The following FRMPD1 variants were observed in gnomAD, a reference collection of about 807,000 sequenced individuals.
The protein encoded by FRMPD1 is FERM and PDZ domain containing 1.
Under a neutral mutation model 117.8 loss-of-function variants are expected in FRMPD1, and 76 were observed. The ratio of observed to expected loss-of-function variants is 0.65; its 90% CI spans 0.54 to 0.78. FRMPD1 has a LOEUF of 0.78. FRMPD1 is among the 30% of genes least tolerant of loss of function. FRMPD1 has a pLI of 0.00. For missense variants in FRMPD1, 1,786 were observed against 1,964.5 expected, an observed-to-expected ratio of 0.91 and a Z score of 1.72; for synonymous variants, 783 against 770.4, an observed-to-expected ratio of 1.02 and a Z score of -0.27.
intron 5 of FRMPD1, among the ~76,000 whole-genome samples, chr9:37,714,503 C>T (rs929089767): frequency 6.6e-6 from 1 of 152,190 alleles, no homozygotes; most frequent in Admixed American, 6.5e-5. Flanking sequence ...CTGTGGCCAC[C>T]AGTGCCTCTG....
At chr9:37,645,019 G>T in the FRMPD1 span, among the ~76,000 whole-genome samples, 1 of 151,598 alleles carries the variant, frequency 6.6e-6, no homozygotes. Flanking sequence ...CAAGACCAGG[G>T]TAGGGCCACA....
Position 37,744,946 on chromosome 9 carries a change from T to A in FRMPD1, c.2914T>A (p.Ser972Thr). 1 of 1,614,192 alleles carries A rather than the reference T, an allele frequency of 6.2e-7. No homozygotes were observed. Among genetic ancestry groups the A allele is most frequent in the Non-Finnish European group, 8.5e-7 (1 of 1,180,018 alleles). Residue 972 changes from serine (S) to threonine (T), a missense_variant, in exon 16 of 16, where the codon TCT becomes ACT. Ser to Thr is a moderately conservative substitution (Grantham distance 58, BLOSUM62 1). Coordinates refer to ENST00000377765, the MANE Select transcript of FRMPD1 (RefSeq NM_014907.3). ...ASSSASTPHCSNPGSSGPDTA... is the reference protein window; with the variant it reads ...ASSSASTPHCTNPGSSGPDTA... ...CTCCTCAGCAAGCACTCCTCACTGT[T>A]CTAACCCAGGTTCATCTGGCCCAGA...
At chr9:37,675,775 T>G (rs897625962) in intron 1 of FRMPD1, among the ~76,000 whole-genome samples, 5 of 152,116 alleles carry the variant, frequency 3.3e-5, no homozygotes, top group African/African-American at 1.2e-4. Context: ...CTTCTAGATC[T>G]AGAGATGGAA....
chr9:37,718,244 C>T (rs1823235895), intron 5 of FRMPD1, among the ~76,000 whole-genome samples: 1 of 152,212 alleles, frequency 6.6e-6, no homozygotes, highest in Non-Finnish European at 1.5e-5. Flanking sequence ...TGTATCTCTT[C>T]TCCCATCTTC....
At chr9:37,639,822 AGCTTGCT>A in the FRMPD1 span, among the ~76,000 whole-genome samples, 2 of 152,144 alleles carry the variant, frequency 1.3e-5, no homozygotes, top group Non-Finnish European at 2.9e-5. Context: ...CACCAGGCCT[AGCTTGCT>A]GTTGTATTTT....
chr9:37,685,630 C>T (rs569779943), intron 1 of FRMPD1, among the ~76,000 whole-genome samples: 6 of 151,722 alleles, frequency 4.0e-5, no homozygotes, highest in South Asian at 2.1e-4. Context: ...ACAGCCTAGG[C>T]GAGAAAGCGA....
chr9:37,725,042 A>G (rs1466702219), intron 7 of FRMPD1, among the ~76,000 whole-genome samples: 1 of 152,210 alleles, frequency 6.6e-6, no homozygotes, highest in African/African-American at 2.4e-5. Context: ...GGTAGGGTAC[A>G]TATCAATCAG....
intron 1 of FRMPD1, among the ~76,000 whole-genome samples, chr9:37,657,732 G>A (rs1404988093): frequency 6.6e-6 from 1 of 152,092 alleles, no homozygotes; most frequent in African/African-American, 2.4e-5. Context: ...CCTTGTTTAT[G>A]TGCTGAAAAC....
chr9:37,678,150 G>C (rs898037314), intron 1 of FRMPD1, among the ~76,000 whole-genome samples: 3 of 151,048 alleles, frequency 2.0e-5, no homozygotes, highest in Non-Finnish European at 4.4e-5. Flanking sequence ...CTGGAGATAT[G>C]TGTGGGAGAT....
chr9:37,689,253 A>AG (rs1313262845), intron 1 of FRMPD1, among the ~76,000 whole-genome samples: 1 of 152,088 alleles, frequency 6.6e-6, no homozygotes, highest in Non-Finnish European at 1.5e-5. Flanking sequence ...ACTGTCCTTT[A>AG]GAAACCATTT....
intron 1 of FRMPD1, among the ~76,000 whole-genome samples, chr9:37,685,282 T>C (rs1195490242): frequency 6.6e-6 from 1 of 152,206 alleles, no homozygotes; most frequent in East Asian, 1.9e-4. Context: ...TGAAGAGTCT[T>C]CCTTGTGGCA....
the FRMPD1 span, among the ~76,000 whole-genome samples, chr9:37,644,847 C>A: frequency 6.6e-6 from 1 of 152,080 alleles, no homozygotes; most frequent in Non-Finnish European, 1.5e-5. Flanking sequence ...GTTTTACAAA[C>A]TGAAAAGTCT....
the FRMPD1 span, among the ~76,000 whole-genome samples, chr9:37,639,947 A>G: frequency 6.6e-6 from 1 of 152,184 alleles, no homozygotes; most frequent in East Asian, 1.9e-4. Flanking sequence ...CATATACTTA[A>G]TCTGGGCCAC....
At chr9:37,709,479 C>T (rs1326175942) in intron 4 of FRMPD1, among the ~76,000 whole-genome samples, 3 of 151,148 alleles carry the variant, frequency 2.0e-5, no homozygotes, top group Non-Finnish European at 2.9e-5. Flanking sequence ...CGCTTGAACC[C>T]GGGAGGCAGA....
At chr9:37,733,620 G>C (rs777085801) in intron 11 of FRMPD1, 21 bp downstream of exon 11, 1 of 1,612,922 alleles carries the variant, frequency 6.2e-7, no homozygotes, top group South Asian at 1.1e-5. Flanking sequence ...TGCCTCTGCC[G>C]ACCCACTCAG....
At position 37,740,147 on chromosome 9, in the gene FRMPD1, C is replaced by G; in HGVS notation, c.1619C>G (p.Ser540Cys). Residue 540 changes from serine to cysteine, a missense_variant, in exon 15 of 16, where the codon TCT (serine) becomes TGT (cysteine). By Grantham distance (112) the Ser-to-Cys change is moderately radical (BLOSUM62 -1). Coordinates refer to ENST00000377765, the MANE Select transcript of FRMPD1 (RefSeq NM_014907.3). The surrounding 1 kb of genome is among the most constrained non-coding windows in gnomAD (Gnocchi z 4.2). ...SEVDCVLEPL[S>C]DRRLVKLAPC... ...GTGGACTGCGTACTCGAACCTCTCT[C>G]TGACAGGCGCCTGGTGAAACTGGCA... is the stretch of plus-strand genomic sequence containing the variant. The G allele has an allele frequency of 6.2e-7, 1 of 1,614,008 alleles. No individual in the cohort carries two copies. The highest frequency in any genetic ancestry group is 8.5e-7 in the Non-Finnish European group (1 of 1,179,934).
At position 37,745,416 on chromosome 9, in the gene FRMPD1, G is replaced by T. The variant is rs3747541; in HGVS notation, c.3384G>T (p.Glu1128Asp). The change falls in exon 16 of 16, where the codon GAG (glutamate) becomes GAT (aspartate). Residue 1128 changes from glutamate (E) to aspartate (D), a missense_variant. Coordinates refer to ENST00000377765, the MANE Select transcript of FRMPD1 (RefSeq NM_014907.3). ...NKNGTNVFQE[E>D]SRKDSGDSPG... is the part of the protein sequence containing the mutation. ...ATGGCACCAACGTATTTCAGGAGGA[G>T]TCTAGGAAGGATTCAGGTGACTCCC... 6.2e-7 allele frequency: 1 copy of T among 1,613,702 alleles called. No individual in the cohort carries two copies. Among genetic ancestry groups the T allele is most frequent in the Non-Finnish European group, 8.5e-7 (1 of 1,179,812 alleles).
At chr9:37,635,997 G>A in the FRMPD1 span, among the ~76,000 whole-genome samples, 3 of 152,318 alleles carry the variant, frequency 2.0e-5, no homozygotes, top group South Asian at 2.1e-4. Flanking sequence ...CAGGCAGCGC[G>A]TGGGTCTGTC....
the FRMPD1 span, among the ~76,000 whole-genome samples, chr9:37,636,332 G>A: frequency 6.6e-6 from 1 of 152,204 alleles, no homozygotes; most frequent in Admixed American, 6.5e-5. Context: ...GCAGGAAGAA[G>A]GGGAAGGAGA....
Sources: gnomAD v4.1 joint callset for allele counts (sites outside exome capture counted in the v4.1 genomes callset) on GRCh38, gnomAD v4.1.1 for gene constraint, Gnocchi (gnomAD v3.1) non-coding constraint, MANE v1.5 for transcripts, NCBI Gene and HGNC (gene_info 2026-07-23, HGNC 2026-07-21) for gene names.